The following SERF2 variants were observed in gnomAD, a reference collection of about 807,000 sequenced individuals.
The protein encoded by SERF2 is gastric cancer-related protein VRG107.
A neutral mutation model predicts 10.7 loss-of-function variants in SERF2; 4 were observed. That is an observed-to-expected ratio of 0.37 (90% CI 0.18 to 0.86). The LOEUF is 0.86. SERF2 is among the 40% of genes least tolerant of loss of function. The pLI is 0.43. For missense variants in SERF2, 47 were observed against 79.1 expected (o/e 0.59, Z 1.54); for synonymous variants, 26 against 26.0 (o/e 1.00, Z 0.01).
At position 43,793,761 on chromosome 15, in the gene SERF2, G is replaced by A. The variant is rs1413117570; in HGVS notation, c.168G>A (p.Glu56=). The A allele has an allele frequency of 6.2e-7, 1 of 1,614,222 alleles. No homozygotes were observed. The highest frequency in any genetic ancestry group is 8.5e-7 in the Non-Finnish European group (1 of 1,180,032). Reference sequence around the variant, plus strand: ...AGAAAAAGGCAAACGAGAAGAAGGAGGAACCCAAGTAGCTTTGTGGCTTCG... The same window carrying A: ...AGAAAAAGGCAAACGAGAAGAAGGAAGAACCCAAGTAGCTTTGTGGCTTCG... ...QKQKKANEKK[E]EPK Residue 56 remains glutamate, a synonymous_variant, in exon 3 of 3, where the codon GAG becomes GAA. Coordinates refer to ENST00000249786, the MANE Select transcript of SERF2 (RefSeq NM_001018108.4).
Position 43,795,586 on chromosome 15 carries a change from CT to C in SERF2, c.*1814del. On this transcript the variant is annotated 3_prime_UTR_variant, in exon 3 of 3. Transcript: ENST00000249786. ...GCTGGGAGCAGAGCTGCTGAAACAC[CT>C]CTTCCCCTCTCCCCCAACTACCTTT... 1 of 1,612,678 alleles carries C rather than the reference CT, an allele frequency of 6.2e-7. No individual in the cohort carries two copies. The highest frequency in any genetic ancestry group is 8.5e-7 in the Non-Finnish European group (1 of 1,178,894).
intron 1 of SERF2, among the ~76,000 whole-genome samples, chr15:43,781,386 G>C (rs2086962621): frequency 6.6e-6 from 1 of 151,902 alleles, no homozygotes; most frequent in African/African-American, 2.4e-5. Context: ...GAAATCCCAT[G>C]TCTACTAAAA....
upstream of SERF2, among the ~76,000 whole-genome samples, chr15:43,790,550 G>C (rs969820617): frequency 1.3e-5 from 2 of 151,822 alleles, no homozygotes; most frequent in Admixed American, 1.3e-4. Flanking sequence ...GATCACCTGA[G>C]GTCAGGAGTT....
At chr15:43,793,428 A>T (rs368531963) in intron 2 of SERF2, 2 of 769,936 alleles carry the variant, frequency 2.6e-6, no homozygotes, top group Non-Finnish European at 4.0e-6. Context: ...CCTTCTCCCA[A>T]CCTCCTCACT....
chr15:43,793,506 C>G, intron 2 of SERF2: 1 of 1,439,242 alleles, frequency 6.9e-7, no homozygotes, highest in Non-Finnish European at 9.2e-7. Context: ...GACTTCTGAC[C>G]CCTTGGGCAA....
rs768555344 is a variant in SERF2, at chr15:43,795,214, C to T, written c.*1441C>T. The T allele has an allele frequency of 7.4e-6, 12 of 1,613,880 alleles. No homozygotes were observed. The highest frequency in any genetic ancestry group is 2.2e-5 in the East Asian group (1 of 44,900). ...CTTTTCCAGTTCTGCTCCCTCATAG[C>T]TGTGTAACCAAAGGCTCTGGTTAGA... is the stretch of plus-strand genomic sequence containing the variant. On this transcript the variant is annotated 3_prime_UTR_variant, in exon 3 of 3. Transcript: ENST00000249786.
chr15:43,783,068 C>T (rs2086977410), intron 1 of SERF2, among the ~76,000 whole-genome samples: 1 of 147,004 alleles, frequency 6.8e-6, no homozygotes, highest in Non-Finnish European at 1.5e-5. Flanking sequence ...AGTGCAGTGG[C>T]ACAATTTCAG....
chr15:43,794,894 A>T lies in SERF2; in HGVS notation c.*1121A>T. On this transcript the variant is annotated 3_prime_UTR_variant, in exon 3 of 3. Transcript: ENST00000249786. ...ATAGTATTGACTTCAGCCCAAACGG[A>T]GATAACTCCCTGTGTGTCCTTGAGG... 1 of 844,052 alleles carries T rather than the reference A, an allele frequency of 1.2e-6. No homozygotes were observed. Among genetic ancestry groups the T allele is most frequent in the East Asian group, 2.4e-5 (1 of 41,218 alleles). The allele number at this position is 844,052 out of a possible 1,614,324, so 52.3% of individuals were successfully genotyped here. A position where few individuals can be genotyped will look rare whatever the true frequency, so the allele number is the denominator to read the frequency against.
chr15:43,793,432 C>T (rs1229404362), intron 2 of SERF2: 3 of 799,956 alleles, frequency 3.8e-6, no homozygotes, highest in African/African-American at 1.7e-5. Context: ...CTCCCAACCT[C>T]CTCACTGGTG....
At chr15:43,787,875 T>C (rs1332543335), upstream of SERF2, among the ~76,000 whole-genome samples, 1 of 106,896 alleles carries the variant, frequency 9.4e-6, no homozygotes, top group Non-Finnish European at 1.8e-5. Flanking sequence ...GATTTTTAGT[T>C]TTTTTTTTTT....
intron 1 of SERF2, chr15:43,777,941 C>G (rs2086933769): frequency 1.3e-5 from 2 of 148,330 alleles, no homozygotes; most frequent in East Asian, 4.0e-4. Flanking sequence ...ATACATTTGT[C>G]AAAACTCATA....
rs142155638 is a variant in SERF2, at chr15:43,781,352, C to G, written c.-527+3850C>G. Among the ~76,000 whole-genome samples, 3 of 152,082 alleles carry G rather than the reference C, an allele frequency of 2.0e-5. No homozygotes were observed. In the East Asian group the frequency reaches 5.9e-4, roughly 30 times the overall value. On this transcript the variant is annotated intron_variant, in intron 1 of 4. Coordinates refer to the SERF2 transcript ENST00000381359. The stretch of plus-strand genomic sequence containing the variant: ...GGTGGACCATTTGAGGTCAGGAGTT[C>G]GAGACCAGCCTGGCCAACATAGCGA...
At chr15:43,788,789 G>A (rs995197149), upstream of SERF2, among the ~76,000 whole-genome samples, 1 of 152,144 alleles carries the variant, frequency 6.6e-6, no homozygotes, top group Admixed American at 6.6e-5. Flanking sequence ...TGCCAGGGCC[G>A]AGGTTTCTAA....
rs1236803398 is a variant in SERF2, at chr15:43,779,207, TGTG to T, written c.-527+1710_-527+1712del. Among the ~76,000 whole-genome samples the T allele has an allele frequency of 5.9e-4, 90 of 152,202 alleles. 1 individual carries two copies. Among genetic ancestry groups the T allele is most frequent in the Non-Finnish European group, 7.4e-5 (5 of 68,008 alleles). On this transcript the variant is annotated intron_variant, in intron 1 of 4. Coordinates refer to the SERF2 transcript ENST00000381359. The stretch of plus-strand genomic sequence containing the variant: ...GGTGTAAGTGTAGAGGTTAGGTAGA[TGTG>T]GTGGGAGTCTGAAAATTTTTTTCTG...
chr15:43,792,707 T>G, intron 1 of SERF2: 1 of 1,059,548 alleles, frequency 9.4e-7, no homozygotes, highest in Non-Finnish European at 1.3e-6. Context: ...CACACACACC[T>G]TGCCAGCTGT....
At chr15:43,787,596 C>T (rs2087018399), upstream of SERF2, among the ~76,000 whole-genome samples, 1 of 152,082 alleles carries the variant, frequency 6.6e-6, no homozygotes, top group African/African-American at 2.4e-5. Flanking sequence ...GGGGGTTTTA[C>T]CATGTTGGTC....
chr15:43,790,309 C>CA (rs1044639457), upstream of SERF2, among the ~76,000 whole-genome samples: 2 of 150,480 alleles, frequency 1.3e-5, no homozygotes, highest in African/African-American at 4.9e-5. Flanking sequence ...AAGACTGTCT[C>CA]AAAAAAAACC....
intron 1 of SERF2, among the ~76,000 whole-genome samples, chr15:43,784,109 G>A (rs533981525): frequency 1.3e-5 from 2 of 151,790 alleles, no homozygotes; most frequent in South Asian, 2.1e-4. Context: ...TAAAAGTTTT[G>A]TAGAGATGGG....
chr15:43,792,556 A>C, intron 1 of SERF2, 173 bp downstream of exon 1: 1 of 1,485,812 alleles, frequency 6.7e-7, no homozygotes, highest in South Asian at 1.3e-5. Context: ...GCCCACGGCT[A>C]CTTCACGGGA....
Sources: allele counts gnomAD v4.1 joint callset (sites outside exome capture counted in the v4.1 genomes callset), GRCh38; gene constraint gnomAD v4.1.1; transcripts MANE v1.5; gene names NCBI Gene and HGNC (gene_info 2026-07-23, HGNC 2026-07-21).